Variants in SCHIP1 observed in about 807,000 individuals in gnomAD.
SCHIP1 encodes the protein schwannomin interacting protein 1.
SCHIP1 carries 8 observed loss-of-function variants against 29.7 expected under a neutral mutation model. That is an observed-to-expected ratio of 0.27 (90% CI 0.16 to 0.49). SCHIP1 has a LOEUF of 0.49. SCHIP1 is among the 20% of genes least tolerant of loss of function. The pLI is 0.99. For missense variants in SCHIP1, 193 were observed against 294.6 expected (o/e 0.66, Z 2.52); for synonymous variants, 76 against 94.9 (o/e 0.80, Z 1.16).
the SCHIP1 span, among the ~76,000 whole-genome samples, chr3:159,695,222 G>A: frequency 1.2e-4 from 18 of 152,296 alleles, no homozygotes; most frequent in African/African-American, 4.1e-4. Context: ...CTAATGAACA[G>A]TGTTAGAGAA....
chr3:159,797,048 A>T, the SCHIP1 span, among the ~76,000 whole-genome samples: 2 of 152,314 alleles, frequency 1.3e-5, no homozygotes, highest in African/African-American at 4.8e-5. Context: ...CAAACCCTTC[A>T]CAATTATTTT....
the SCHIP1 span, among the ~76,000 whole-genome samples, chr3:159,354,379 G>A: frequency 4.1e-4 from 63 of 152,072 alleles, no homozygotes; most frequent in Non-Finnish European, 7.1e-4. Flanking sequence ...AGCTATATCT[G>A]TAATATTTAT....
At chr3:159,759,289 A>G in the SCHIP1 span, among the ~76,000 whole-genome samples, 1 of 152,252 alleles carries the variant, frequency 6.6e-6, no homozygotes, top group Non-Finnish European at 1.5e-5. Flanking sequence ...CATTGGCTCT[A>G]CAGAAATAAA....
the SCHIP1 span, among the ~76,000 whole-genome samples, chr3:159,388,726 A>AATG: frequency 6.6e-6 from 1 of 152,170 alleles, no homozygotes; most frequent in Non-Finnish European, 1.5e-5. Context: ...ACAATAGATC[A>AATG]ATGATACAGA....
the SCHIP1 span, among the ~76,000 whole-genome samples, chr3:159,368,388 G>T: frequency 6.6e-6 from 1 of 152,052 alleles, no homozygotes; most frequent in East Asian, 1.9e-4. Flanking sequence ...CACACATCTA[G>T]CCATACTAAC....
chr3:159,473,674 G>GAAAAAAATAAAAAAAA, the SCHIP1 span, among the ~76,000 whole-genome samples: 1 of 81,446 alleles, frequency 1.2e-5, no homozygotes, highest in Non-Finnish European at 2.4e-5. Flanking sequence ...ATGTAACTAC[G>GAAAAAAATAAAAAAAA]AAAAAAAAAA....
At chr3:159,671,386 T>G in the SCHIP1 span, among the ~76,000 whole-genome samples, 1 of 152,164 alleles carries the variant, frequency 6.6e-6, no homozygotes, top group Non-Finnish European at 1.5e-5. Flanking sequence ...TTCTTCTTTC[T>G]GGTCACCTTT....
chr3:159,305,678 T>C, the SCHIP1 span, among the ~76,000 whole-genome samples: 1 of 152,208 alleles, frequency 6.6e-6, no homozygotes, highest in Non-Finnish European at 1.5e-5. Context: ...GTGCCTACTG[T>C]ATGTTGGTTA....
the SCHIP1 span, among the ~76,000 whole-genome samples, chr3:159,528,568 C>T: frequency 6.6e-6 from 1 of 152,162 alleles, no homozygotes; most frequent in Admixed American, 6.5e-5. Context: ...CCTTCTTCTC[C>T]CCACCACACA....
the SCHIP1 span, among the ~76,000 whole-genome samples, chr3:159,705,683 C>T: frequency 6.6e-6 from 1 of 151,564 alleles, no homozygotes; most frequent in South Asian, 2.1e-4. Flanking sequence ...GTGAGAATGC[C>T]GCTCTAAGGA....
At chr3:159,764,409 G>T in the SCHIP1 span, 27 of 1,544,402 alleles carry the variant, frequency 1.7e-5, no homozygotes, top group Middle Eastern at 5.2e-4. This position sits in a 1 kb window ranked among gnomAD's most constrained non-coding sequence, Gnocchi z 6.1. Context: ...AGCAGGCTTG[G>T]CCCAGCAGCT....
At chr3:159,387,194 C>G in the SCHIP1 span, 5 of 187,592 alleles carry the variant, frequency 2.7e-5, no homozygotes. Context: ...GGCTACCTCC[C>G]TGAAACATTT....
chr3:159,896,761 T>C, exon 7 of SCHIP1: 1 of 1,607,358 alleles, frequency 6.2e-7, no homozygotes, highest in African/African-American at 1.3e-5. Context: ...GCAGAGAAAA[T>C]GCCTGCAAAG....
chr3:159,586,802 C>T, the SCHIP1 span, among the ~76,000 whole-genome samples: 1 of 152,140 alleles, frequency 6.6e-6, no homozygotes, highest in Non-Finnish European at 1.5e-5. Flanking sequence ...GAAGTCCTTC[C>T]ATCACAGATT....
chr3:159,751,231 T>C, the SCHIP1 span, among the ~76,000 whole-genome samples: 1 of 152,230 alleles, frequency 6.6e-6, no homozygotes, highest in Non-Finnish European at 1.5e-5. Context: ...TTACTCTTTA[T>C]GGCCTGAGAG....
At chr3:159,762,329 C>T in the SCHIP1 span, among the ~76,000 whole-genome samples, 1 of 152,194 alleles carries the variant, frequency 6.6e-6, no homozygotes, top group Non-Finnish European at 1.5e-5. Context: ...AGATTACCTT[C>T]CCTGGCTCAG....
chr3:159,377,656 G>A, the SCHIP1 span, among the ~76,000 whole-genome samples: 2 of 152,066 alleles, frequency 1.3e-5, no homozygotes, highest in African/African-American at 4.8e-5. Flanking sequence ...CTTTACATTC[G>A]AGTAATTTTA....
chr3:159,499,245 T>C, the SCHIP1 span, among the ~76,000 whole-genome samples: 4 of 152,314 alleles, frequency 2.6e-5, no homozygotes, highest in Middle Eastern at 3.4e-3. Context: ...TTGACAGAGA[T>C]GTTTAGTGCC....
intron 1 of SCHIP1, among the ~76,000 whole-genome samples, chr3:159,855,412 G>A (rs1391526811): frequency 2.6e-5 from 4 of 151,714 alleles, no homozygotes; most frequent in East Asian, 1.9e-4. Flanking sequence ...TAATTTTTTC[G>A]CTAATATTTT....
Sources: gnomAD v4.1 joint callset for allele counts (sites outside exome capture counted in the v4.1 genomes callset) on GRCh38, gnomAD v4.1.1 for gene constraint, Gnocchi (gnomAD v3.1) non-coding constraint, MANE v1.5 for transcripts, NCBI Gene and HGNC (gene_info 2026-07-23, HGNC 2026-07-21) for gene names.